Variants in MAF observed in about 807,000 individuals in gnomAD.
MAF encodes MAF bZIP transcription factor, also known as transcription factor Maf.
In MAF, 10 loss-of-function variants were observed where a neutral mutation model predicts 22.0. That is an observed-to-expected ratio of 0.45 (90% CI 0.28 to 0.77). The LOEUF (loss-of-function observed/expected upper bound fraction) is 0.77. MAF is among the 30% of genes least tolerant of loss of function. MAF has a pLI of 0.12. For missense variants in MAF, 544 were observed against 548.4 expected (o/e 0.99, Z 0.08); for synonymous variants, 337 against 255.8 (o/e 1.32, Z -3.03).
the MAF span, among the ~76,000 whole-genome samples, chr16:79,256,992 C>T: frequency 6.6e-6 from 1 of 152,088 alleles, no homozygotes; most frequent in Non-Finnish European, 1.5e-5. Flanking sequence ...GCCTGGCCAA[C>T]ATGATGAAAC....
chr16:79,220,102 A>G, the MAF span, among the ~76,000 whole-genome samples: 4 of 151,956 alleles, frequency 2.6e-5, no homozygotes, highest in Non-Finnish European at 5.9e-5. Flanking sequence ...CTAAAAATAC[A>G]AAAATTAGCC....
rs1597841623 is a variant in MAF, at chr16:79,594,539, C to T, written c.1133G>A (p.Arg378His). 6 of 1,562,446 alleles carry T rather than the reference C, an allele frequency of 3.8e-6. No individual in the cohort carries two copies. The highest frequency in any genetic ancestry group is 5.2e-6 in the Non-Finnish European group (6 of 1,151,064). The change falls in exon 2 of 2, where the codon CGC becomes CAC. Residue 378 changes from arginine (R) to histidine (H), a missense_variant. This residue lies in a region of MAF where 129 missense variants were observed against 113.6 expected (regional missense o/e 1.14). Transcript: ENST00000326043. ...GTATCCCACTGATGGCTCCAACTTG[C>T]GAGTGGGCTCAGTTCTGTAATTGGA... ...SPEFFITEPT[R>H]KLEPSVGYAT...
chr16:79,598,455 TAA>T (rs533404316), intron 1 of MAF: 4,917 of 1,078,204 alleles, frequency 4.6e-3, no homozygotes, highest in East Asian at 0.016. Flanking sequence ...CGGGGGGGTG[TAA>T]AAAAAAAAAA....
At chr16:79,221,087 T>C in the MAF span, among the ~76,000 whole-genome samples, 2 of 152,254 alleles carry the variant, frequency 1.3e-5, no homozygotes, top group African/African-American at 2.4e-5. Flanking sequence ...ATAGTGTTCA[T>C]TGTTCTGCTG....
the MAF span, among the ~76,000 whole-genome samples, chr16:79,464,072 G>A: frequency 1.7e-4 from 26 of 152,244 alleles, no homozygotes; most frequent in African/African-American, 5.5e-4. Flanking sequence ...TCGAACAGAT[G>A]ACAGTAAGAA....
At chr16:79,476,749 G>A in the MAF span, among the ~76,000 whole-genome samples, 3 of 152,214 alleles carry the variant, frequency 2.0e-5, no homozygotes, top group Non-Finnish European at 4.4e-5. Flanking sequence ...GACAGTGAGT[G>A]AGTAGACTTG....
the MAF span, among the ~76,000 whole-genome samples, chr16:79,497,251 G>C: frequency 6.6e-6 from 1 of 151,952 alleles, no homozygotes; most frequent in Admixed American, 6.5e-5. Context: ...TAATACAGAA[G>C]AAAAAAAGGC....
the MAF span, among the ~76,000 whole-genome samples, chr16:79,307,845 A>G: frequency 1.3e-5 from 2 of 152,328 alleles, no homozygotes; most frequent in East Asian, 1.9e-4. Context: ...CCAACAACGA[A>G]GAGACTGAAT....
chr16:79,243,062 GA>G, the MAF span, among the ~76,000 whole-genome samples: 4 of 151,930 alleles, frequency 2.6e-5, no homozygotes, highest in Non-Finnish European at 4.4e-5. Flanking sequence ...TATGCAGAGG[GA>G]AATTTATAAC....
the MAF span, among the ~76,000 whole-genome samples, chr16:79,380,159 C>A: frequency 2.0e-5 from 3 of 152,102 alleles, no homozygotes; most frequent in African/African-American, 4.8e-5. Flanking sequence ...TGCCATATTT[C>A]AAAAATCCCA....
rs1342272100 is a variant in MAF, at chr16:79,596,335, C to CA, written c.1119-1783dup. The CA allele has an allele frequency of 3.4e-5, 36 of 1,059,532 alleles. No individual in the cohort carries two copies. In the Admixed American group the frequency reaches 1.7e-3, roughly 51 times the overall value. 65.6% of individuals were successfully genotyped at this position (1,059,532 alleles called of 1,614,324 possible). A position where few individuals can be genotyped will look rare whatever the true frequency, so the allele number is the denominator to read the frequency against. ...GTATATGGGGCCAGCCTCCTCACTT[C>CA]AAAAAACAGCCTATAATTTCACCCT... On this transcript the variant is annotated intron_variant, in intron 1 of 1. Coordinates refer to ENST00000326043, the MANE Select transcript of MAF (RefSeq NM_005360.5).
At chr16:79,312,990 G>C in the MAF span, among the ~76,000 whole-genome samples, 1 of 152,188 alleles carries the variant, frequency 6.6e-6, no homozygotes, top group Non-Finnish European at 1.5e-5. Context: ...GAGAGAAGTT[G>C]CATGCAATTA....
At chr16:79,490,393 G>T in the MAF span, among the ~76,000 whole-genome samples, 1 of 152,224 alleles carries the variant, frequency 6.6e-6, no homozygotes, top group African/African-American at 2.4e-5. Flanking sequence ...TGGGCGAGCA[G>T]CCTGTGGAGA....
downstream of MAF, among the ~76,000 whole-genome samples, chr16:79,582,400 G>C (rs990641822): frequency 6.6e-6 from 1 of 152,126 alleles, no homozygotes; most frequent in Non-Finnish European, 1.5e-5. Flanking sequence ...AAATTCCTTC[G>C]TTTTATTTTT....
downstream of MAF, among the ~76,000 whole-genome samples, chr16:79,593,494 G>A (rs991847274): frequency 3.9e-5 from 6 of 152,138 alleles, no homozygotes; most frequent in Admixed American, 3.9e-4. Flanking sequence ...AAAATGACTG[G>A]GGTAAAGGCA....
chr16:79,495,594 A>G, the MAF span, among the ~76,000 whole-genome samples: 1 of 152,200 alleles, frequency 6.6e-6, no homozygotes, highest in Non-Finnish European at 1.5e-5. Flanking sequence ...TTGCCAGGTA[A>G]TGTAACATTC....
At chr16:79,297,028 C>T in the MAF span, among the ~76,000 whole-genome samples, 2 of 152,184 alleles carry the variant, frequency 1.3e-5, no homozygotes, top group African/African-American at 2.4e-5. Flanking sequence ...TGCTCTGTGG[C>T]GACATCCCTT....
Position 79,599,610 on chromosome 16 carries a change from G to A in MAF, c.293C>T (p.Pro98Leu), listed in dbSNP as rs878873480. Residue 98 changes from proline to leucine, a missense_variant, in exon 1 of 2, where the codon CCG becomes CTG. Physicochemically the swap from Pro to Leu is moderately conservative, Grantham distance 98. Coordinates refer to ENST00000326043, the MANE Select transcript of MAF (RefSeq NM_005360.5). ...CAGCGCCTCGGGGTTCAGCTGCTGC[G>A]GGTAGCCGGTCATCCAGTAGTAGTC... ...LEDYYWMTGYPQQLNPEALGF... is the reference protein window; with the variant it reads ...LEDYYWMTGYLQQLNPEALGF... 2 of 1,610,324 alleles carry A rather than the reference G, an allele frequency of 1.2e-6. No homozygotes were observed. Among genetic ancestry groups the A allele is most frequent in the Non-Finnish European group, 1.7e-6 (2 of 1,179,030 alleles).
chr16:79,262,840 T>C, the MAF span, among the ~76,000 whole-genome samples: 1 of 152,294 alleles, frequency 6.6e-6, no homozygotes, highest in African/African-American at 2.4e-5. Flanking sequence ...AGCTGGTGGG[T>C]GAACGGTATT....
Sources: gnomAD v4.1 joint callset for allele counts (sites outside exome capture counted in the v4.1 genomes callset) on GRCh38, gnomAD v4.1.1 for gene constraint, gnomAD v4.1.1 regional missense constraint, MANE v1.5 for transcripts, NCBI Gene and HGNC (gene_info 2026-07-23, HGNC 2026-07-21) for gene names.